The following XKR6 variants were observed in gnomAD, a reference collection of about 807,000 sequenced individuals.
XKR6 encodes the protein XK related 6.
A neutral mutation model predicts 56.7 loss-of-function variants in XKR6; 22 were observed. The observed-to-expected ratio is 0.39, with a 90% CI of 0.28 to 0.55. XKR6 has a LOEUF of 0.55. Ranked by LOEUF, XKR6 falls within the 20% of genes least tolerant of loss-of-function variation. XKR6 has a pLI of 0.66. For missense variants in XKR6, 852 were observed against 889.0 expected, an observed-to-expected ratio of 0.96 and a Z score of 0.53; for synonymous variants, 524 against 387.8, an observed-to-expected ratio of 1.35 and a Z score of -4.13.
chr8:11,034,469 C>T (rs938136469), intron 1 of XKR6, among the ~76,000 whole-genome samples: 3 of 152,172 alleles, frequency 2.0e-5, no homozygotes, highest in Non-Finnish European at 4.4e-5. Context: ...CCACATGAAG[C>T]ACAAGGATGG....
At chr8:11,068,217 T>C (rs1015777756) in intron 1 of XKR6, among the ~76,000 whole-genome samples, 2 of 152,182 alleles carry the variant, frequency 1.3e-5, no homozygotes, top group Non-Finnish European at 1.5e-5. Flanking sequence ...CCCAGCTCCA[T>C]CATCTCAGAC....
intron 1 of XKR6, among the ~76,000 whole-genome samples, chr8:11,042,750 T>C (rs999770173): frequency 5.3e-5 from 8 of 152,138 alleles, no homozygotes; most frequent in African/African-American, 1.9e-4. Flanking sequence ...TTTTGGAGCA[T>C]TTGGATTTCG....
At chr8:11,135,175 G>T (rs189720687) in intron 1 of XKR6, among the ~76,000 whole-genome samples, 2 of 151,906 alleles carry the variant, frequency 1.3e-5, no homozygotes, top group African/African-American at 4.8e-5. Flanking sequence ...GACTACAGGC[G>T]CCCACCAACA....
chr8:11,123,598 AT>A (rs1187468200), intron 1 of XKR6: 6 of 306,346 alleles, frequency 2.0e-5, no homozygotes, highest in Non-Finnish European at 3.2e-5. Context: ...ATACACGAGG[AT>A]TAAAAATTCA....
chr8:11,194,378 G>C (rs567378425), intron 1 of XKR6: 2 of 152,284 alleles, frequency 1.3e-5, no homozygotes, highest in African/African-American at 4.8e-5. Flanking sequence ...CTTTTCTTAA[G>C]TATCTCCAAT....
chr8:11,179,104 G>A (rs899649389), intron 1 of XKR6, among the ~76,000 whole-genome samples: 3 of 134,132 alleles, frequency 2.2e-5, no homozygotes, highest in East Asian at 2.3e-4. Flanking sequence ...CAATCCTCCC[G>A]CATCAGCCTC....
chr8:10,909,979 G>A lies in XKR6; in HGVS notation c.962-11063C>T, dbSNP rs1800303383. On this transcript the variant is annotated intron_variant, in intron 2 of 2. Coordinates refer to ENST00000416569, the MANE Select transcript of XKR6 (RefSeq NM_173683.4). Reference sequence around the variant, plus strand: ...TTTTATTCTGAGGCTTTCACATCTCGGGGGGCTGGGGGGACCTTTTTCAGT... The same window carrying A: ...TTTTATTCTGAGGCTTTCACATCTCAGGGGGCTGGGGGGACCTTTTTCAGT... Among the ~76,000 whole-genome samples the A allele has an allele frequency of 1.3e-5, 2 of 152,032 alleles. 1 individual carries two copies. Among genetic ancestry groups the A allele is most frequent in the South Asian group, 4.2e-4 (2 of 4,782 alleles).
At chr8:11,155,922 C>T (rs1163583353) in intron 1 of XKR6, among the ~76,000 whole-genome samples, 1 of 152,198 alleles carries the variant, frequency 6.6e-6, no homozygotes, top group Non-Finnish European at 1.5e-5. Flanking sequence ...TCCTCCTTCT[C>T]TCCTGATGCA....
chr8:11,184,972 A>G (rs970657064), intron 1 of XKR6, among the ~76,000 whole-genome samples: 7 of 152,218 alleles, frequency 4.6e-5, no homozygotes, highest in African/African-American at 1.4e-4. Context: ...TACACAGTTG[A>G]TAAGAAAAAT....
At chr8:11,118,267 C>A (rs1799274656) in intron 1 of XKR6, among the ~76,000 whole-genome samples, 1 of 152,058 alleles carries the variant, frequency 6.6e-6, no homozygotes, top group Admixed American at 6.5e-5. Flanking sequence ...TGTTACCTTT[C>A]TTTTCTTTTG....
At chr8:11,023,687 C>T (rs1798795822) in intron 1 of XKR6, among the ~76,000 whole-genome samples, 1 of 152,206 alleles carries the variant, frequency 6.6e-6, no homozygotes, top group Admixed American at 6.5e-5. Context: ...AACCCCACAG[C>T]GAGGGACTGC....
intron 1 of XKR6, among the ~76,000 whole-genome samples, chr8:10,972,709 G>A (rs1802443474): frequency 6.6e-6 from 1 of 152,192 alleles, no homozygotes; most frequent in African/African-American, 2.4e-5. Context: ...CTGGGGAAAA[G>A]TGGGGACTGG....
rs571289338 is a variant in XKR6, at chr8:10,949,138, C to T, written c.765-24308G>A. ...TGAGCCCTGGCTGGAGGAGCCTGGGCCCCGGGGCTGCCTCTGCAGGGGCCG... is the reference window on the plus strand; with the variant it reads ...TGAGCCCTGGCTGGAGGAGCCTGGGTCCCGGGGCTGCCTCTGCAGGGGCCG... On this transcript the variant is annotated intron_variant, in intron 1 of 2. Transcript: ENST00000416569. Among the ~76,000 whole-genome samples, 254 of 152,354 alleles carry T rather than the reference C, an allele frequency of 1.7e-3. 2 individuals are homozygous for T. Among genetic ancestry groups the T allele is most frequent in the African/African-American group, 5.5e-3 (229 of 41,582 alleles).
chr8:11,158,934 C>G (rs17152942), intron 1 of XKR6, among the ~76,000 whole-genome samples: 3,402 of 152,276 alleles, frequency 0.022, 129 homozygotes, highest in African/African-American at 0.079. Context: ...ACCCTTCCTG[C>G]AACTGAGGAC....
intron 1 of XKR6, among the ~76,000 whole-genome samples, chr8:11,164,933 A>G (rs1801994730): frequency 6.6e-6 from 1 of 152,046 alleles, no homozygotes; most frequent in African/African-American, 2.4e-5. Context: ...CTACCTTCCC[A>G]CTTCACCTTA....
At chr8:10,991,506 C>T (rs1586401668) in intron 1 of XKR6, among the ~76,000 whole-genome samples, 2 of 152,310 alleles carry the variant, frequency 1.3e-5, no homozygotes, top group South Asian at 4.2e-4. Flanking sequence ...AAGGCCGGAA[C>T]ACGATGAGTC....
intron 1 of XKR6, among the ~76,000 whole-genome samples, chr8:11,086,315 C>T (rs1797889545): frequency 6.6e-6 from 1 of 152,094 alleles, no homozygotes; most frequent in African/African-American, 2.4e-5. Context: ...ACCTGCAGGA[C>T]ATTCTGGATA....
intron 1 of XKR6, among the ~76,000 whole-genome samples, chr8:10,953,565 G>C (rs974118078): frequency 6.6e-6 from 1 of 152,296 alleles, no homozygotes; most frequent in East Asian, 1.9e-4. Context: ...CACAGACGGG[G>C]TCTTGCCATG....
intron 1 of XKR6, among the ~76,000 whole-genome samples, chr8:10,940,767 A>G (rs900826817): frequency 3.9e-5 from 6 of 152,168 alleles, no homozygotes; most frequent in African/African-American, 1.4e-4. Context: ...GTACCCCGAG[A>G]TGTCACACAC....
Sources: allele counts gnomAD v4.1 joint callset (sites outside exome capture counted in the v4.1 genomes callset), GRCh38; gene constraint gnomAD v4.1.1; transcripts MANE v1.5; gene names NCBI Gene and HGNC (gene_info 2026-07-23, HGNC 2026-07-21).